The following ZFHX3 variants were observed in gnomAD, a reference collection of about 807,000 sequenced individuals.
The protein encoded by ZFHX3 is zinc finger homeobox 3.
In ZFHX3, 42 loss-of-function variants were observed where a neutral mutation model predicts 279.1. The observed-to-expected ratio is 0.15, with a 90% CI of 0.12 to 0.19. The LOEUF (loss-of-function observed/expected upper bound fraction) is 0.19. ZFHX3 is among the 10% of genes least tolerant of loss of function. The pLI is 1.00. For synonymous variants in ZFHX3, 2,293 were observed against 1,957.8 expected (o/e 1.17, Z -4.52); for missense variants, 4,981 against 4,754.0 (o/e 1.05, Z -1.40).
intron 7 of ZFHX3, among the ~76,000 whole-genome samples, chr16:72,804,168 G>T (rs1346352115): frequency 6.6e-6 from 1 of 152,206 alleles, no homozygotes; most frequent in Non-Finnish European, 1.5e-5. Flanking sequence ...GTTCCACATT[G>T]ATGCTAAAAA....
chr16:73,343,684 A>G (rs1177442840), intron 3 of ZFHX3, among the ~76,000 whole-genome samples: 1 of 152,160 alleles, frequency 6.6e-6, no homozygotes, highest in African/African-American at 2.4e-5. Context: ...ATGCCACTGC[A>G]CTCCAGCCTG....
At chr16:72,798,830 G>C in intron 8 of ZFHX3, 116 bp from the exon 9 acceptor site, 4 of 1,431,114 alleles carry the variant, frequency 2.8e-6, no homozygotes, top group Non-Finnish European at 3.6e-6. Flanking sequence ...GATGATGAGG[G>C]AAGTGCCCAA....
intron 1 of ZFHX3, among the ~76,000 whole-genome samples, chr16:73,704,785 G>T (rs188516467): frequency 2.6e-5 from 4 of 152,358 alleles, no homozygotes; most frequent in Admixed American, 2.6e-4. Flanking sequence ...GTTACCACTA[G>T]AGGAAACTGA....
chr16:73,397,084 T>C (rs1479680185), intron 3 of ZFHX3, among the ~76,000 whole-genome samples: 1 of 152,220 alleles, frequency 6.6e-6, no homozygotes, highest in African/African-American at 2.4e-5. Context: ...AGCTGCTCTA[T>C]TTGGGGACAT....
At chr16:72,993,788 C>T (rs1963179528) in intron 1 of ZFHX3, among the ~76,000 whole-genome samples, 1 of 152,294 alleles carries the variant, frequency 6.6e-6, no homozygotes, top group Admixed American at 6.5e-5. Flanking sequence ...AGCTTTCCCA[C>T]GTGGACCAGA....
rs535185673 is a variant in ZFHX3 at position 73,848,158 on chromosome 16, T to C, written c.-1608+43493A>G. On this transcript the variant is annotated intron_variant, in intron 1 of 17. Coordinates refer to the ZFHX3 transcript ENST00000641206. ...CAATCTAGTCTAGACATGGGCTAATTTCAGTGGGGGCAACATTTCCCTAAA... is the reference window on the plus strand; with the variant it reads ...CAATCTAGTCTAGACATGGGCTAATCTCAGTGGGGGCAACATTTCCCTAAA... Among the ~76,000 whole-genome samples, 3 of 152,070 alleles carry C rather than the reference T, an allele frequency of 2.0e-5. No homozygotes were observed. In the South Asian group the frequency reaches 6.3e-4, roughly 32 times the overall value.
intron 3 of ZFHX3, among the ~76,000 whole-genome samples, chr16:72,910,310 G>A (rs1240139828): frequency 6.6e-6 from 1 of 152,192 alleles, no homozygotes; most frequent in Non-Finnish European, 1.5e-5. Context: ...GAAAAAATGA[G>A]AAGGTGAAAA....
intron 1 of ZFHX3, among the ~76,000 whole-genome samples, chr16:73,871,509 A>AAT (rs1248057440): frequency 4.1e-4 from 63 of 151,994 alleles, no homozygotes; most frequent in African/African-American, 1.4e-3. Flanking sequence ...AGAGAGAGAG[A>AAT]GAGAGTGTGT....
At chr16:73,226,799 T>G (rs1257154897) in intron 5 of ZFHX3, among the ~76,000 whole-genome samples, 1 of 152,258 alleles carries the variant, frequency 6.6e-6, no homozygotes, top group Non-Finnish European at 1.5e-5. Flanking sequence ...TTGATTGCAC[T>G]GTTCATTCGT....
intron 5 of ZFHX3, among the ~76,000 whole-genome samples, chr16:73,159,937 A>G (rs773737852): frequency 6.6e-6 from 1 of 151,774 alleles, no homozygotes; most frequent in Non-Finnish European, 1.5e-5. Flanking sequence ...TAATTTTTGT[A>G]TTTTTAGTAG....
intron 2 of ZFHX3, among the ~76,000 whole-genome samples, chr16:73,579,854 T>TTATA (rs200667144): frequency 0.024 from 3,316 of 140,892 alleles, 107 homozygotes; most frequent in African/African-American, 0.029. Context: ...ATTATACAGA[T>TTATA]TATATATATA....
intron 1 of ZFHX3, among the ~76,000 whole-genome samples, chr16:73,781,754 C>T (rs1245207926): frequency 6.6e-6 from 1 of 152,018 alleles, no homozygotes; most frequent in Non-Finnish European, 1.5e-5. Context: ...TTTGGGAGGC[C>T]AAGGTGGGCG....
At chr16:73,712,938 T>C (rs1246831558) in intron 1 of ZFHX3, among the ~76,000 whole-genome samples, 1 of 152,196 alleles carries the variant, frequency 6.6e-6, no homozygotes, top group East Asian at 1.9e-4. Flanking sequence ...GGGTGGGCTG[T>C]CTGCTGATGG....
chr16:73,290,189 G>C (rs990113962), intron 4 of ZFHX3, among the ~76,000 whole-genome samples: 1 of 152,158 alleles, frequency 6.6e-6, no homozygotes, highest in African/African-American at 2.4e-5. Context: ...AATAGACTCT[G>C]TGCCTTCCCT....
chr16:72,857,037 T>C (rs1418870348), intron 4 of ZFHX3, among the ~76,000 whole-genome samples: 1 of 152,218 alleles, frequency 6.6e-6, no homozygotes, highest in Non-Finnish European at 1.5e-5. Flanking sequence ...TGCAGCCTTA[T>C]GTTTCCACAA....
At chr16:73,687,042 A>ATATATATATATATATAT (rs2053095015) in intron 1 of ZFHX3, among the ~76,000 whole-genome samples, 2 of 81,446 alleles carry the variant, frequency 2.5e-5, no homozygotes, top group Admixed American at 1.2e-4. Flanking sequence ...ATATATATAT[A>ATATATATATATATATAT]TATATATATA....
At chr16:73,648,540 C>A (rs2052641788) in intron 2 of ZFHX3, among the ~76,000 whole-genome samples, 1 of 152,122 alleles carries the variant, frequency 6.6e-6, no homozygotes, top group Non-Finnish European at 1.5e-5. Flanking sequence ...CAGACGTGCA[C>A]AACCATGCGC....
chr16:73,324,363 T>C (rs2015638340), intron 3 of ZFHX3, among the ~76,000 whole-genome samples: 1 of 152,238 alleles, frequency 6.6e-6, no homozygotes, highest in Non-Finnish European at 1.5e-5. Flanking sequence ...TTGAGTGTGG[T>C]AGACTTGACT....
At chr16:73,042,377 C>T (rs1965150886) in intron 1 of ZFHX3, among the ~76,000 whole-genome samples, 1 of 152,194 alleles carries the variant, frequency 6.6e-6, no homozygotes, top group Admixed American at 6.5e-5. Context: ...CGGGGACCAT[C>T]TATCCAAAAG....
Sources: allele counts gnomAD v4.1 joint callset (sites outside exome capture counted in the v4.1 genomes callset), GRCh38; gene constraint gnomAD v4.1.1; transcripts MANE v1.5; gene names NCBI Gene and HGNC (gene_info 2026-07-23, HGNC 2026-07-21).